Variants in RBMS3 observed in about 807,000 individuals in gnomAD.
RBMS3 encodes RNA-binding motif, single-stranded-interacting protein 3.
RBMS3 carries 27 observed loss-of-function variants against 66.8 expected under a neutral mutation model. The ratio of observed to expected loss-of-function variants is 0.40; its 90% CI spans 0.30 to 0.56. RBMS3 has a LOEUF of 0.56. RBMS3 is among the 20% of genes least tolerant of loss of function. RBMS3 has a pLI of 0.40. For missense variants in RBMS3, 513 were observed against 549.5 expected, an observed-to-expected ratio of 0.93 and a Z score of 0.66; for synonymous variants, 188 against 183.0, an observed-to-expected ratio of 1.03 and a Z score of -0.22.
chr3:29,554,564 A>G (rs2046282044), intron 3 of RBMS3, among the ~76,000 whole-genome samples: 1 of 152,220 alleles, frequency 6.6e-6, no homozygotes, highest in Non-Finnish European at 1.5e-5. Flanking sequence ...GATATGCTGG[A>G]CCAGAGATAG....
intron 10 of RBMS3, among the ~76,000 whole-genome samples, chr3:29,922,040 A>T (rs1017390768): frequency 1.3e-5 from 2 of 152,238 alleles, no homozygotes; most frequent in African/African-American, 4.8e-5. Context: ...AGACTAAAAA[A>T]AAGACAGAAA....
intron 2 of RBMS3, among the ~76,000 whole-genome samples, chr3:29,437,277 A>C (rs1277152890): frequency 6.6e-6 from 1 of 152,242 alleles, no homozygotes; most frequent in Non-Finnish European, 1.5e-5. Flanking sequence ...TGAACACACC[A>C]CTGATGTAGC....
intron 6 of RBMS3, among the ~76,000 whole-genome samples, chr3:29,837,245 T>C (rs9867468): frequency 2.5e-3 from 377 of 152,198 alleles, no homozygotes; most frequent in African/African-American, 8.7e-3. Flanking sequence ...ACCTATACTT[T>C]AGTGAGCATA....
chr3:29,958,796 G>A (rs1197550671), intron 12 of RBMS3, among the ~76,000 whole-genome samples: 2 of 152,182 alleles, frequency 1.3e-5, no homozygotes, highest in African/African-American at 4.8e-5. Flanking sequence ...AATGCTGTTA[G>A]TGGGCTAAAG....
At chr3:29,387,712 G>C (rs1451414454) in intron 1 of RBMS3, among the ~76,000 whole-genome samples, 1 of 151,838 alleles carries the variant, frequency 6.6e-6, no homozygotes, top group African/African-American at 2.4e-5. Flanking sequence ...ACCATCCTGG[G>C]TAACACGGTG....
At chr3:29,527,117 G>T (rs2045146688) in intron 3 of RBMS3, among the ~76,000 whole-genome samples, 1 of 143,824 alleles carries the variant, frequency 7.0e-6, no homozygotes, top group Non-Finnish European at 1.5e-5. Context: ...TGTCTACCAG[G>T]CCATGATATC....
intron 3 of RBMS3, among the ~76,000 whole-genome samples, chr3:29,574,232 G>A (rs1209584109): frequency 6.6e-6 from 1 of 152,068 alleles, no homozygotes; most frequent in Non-Finnish European, 1.5e-5. Flanking sequence ...TTATATATCA[G>A]GGTGCTCCAG....
intron 12 of RBMS3, among the ~76,000 whole-genome samples, chr3:29,968,388 A>G (rs901646913): frequency 1.3e-5 from 2 of 152,032 alleles, no homozygotes; most frequent in Admixed American, 1.3e-4. Flanking sequence ...AATTGTTACA[A>G]ATTTCAGATA....
At position 29,426,756 on chromosome 3, in the gene RBMS3, G is replaced by T. The variant is rs146607705; in HGVS notation, c.76-7987G>T. Among the ~76,000 whole-genome samples, 657 of 152,298 alleles carry T rather than the reference G, an allele frequency of 4.3e-3. 4 individuals are homozygous for T. Among genetic ancestry groups the T allele is most frequent in the Non-Finnish European group, 6.8e-3 (462 of 68,026 alleles). ...GGCTCTTTAGCACCCCCTTCAAGGT[G>T]AATTACTCCAACTAGAACTGAGAAG... is the stretch of plus-strand genomic sequence containing the variant. On this transcript the variant is annotated intron_variant, in intron 1 of 14. Transcript: ENST00000383767.
At chr3:29,871,985 G>A (rs1019105917) in intron 7 of RBMS3, among the ~76,000 whole-genome samples, 1 of 149,752 alleles carries the variant, frequency 6.7e-6, no homozygotes, top group Non-Finnish European at 1.5e-5. Context: ...ATAAATATAT[G>A]CTAGTGGCCA....
chr3:29,519,600 T>G (rs1000570178), intron 3 of RBMS3, among the ~76,000 whole-genome samples: 1 of 152,180 alleles, frequency 6.6e-6, no homozygotes, highest in African/African-American at 2.4e-5. Flanking sequence ...GTTAACTAAT[T>G]GACTGGCAGT....
At chr3:29,786,461 T>C (rs2056823003) in intron 6 of RBMS3, among the ~76,000 whole-genome samples, 1 of 152,170 alleles carries the variant, frequency 6.6e-6, no homozygotes, top group Admixed American at 6.5e-5. Context: ...AAGGCCATAG[T>C]CACAAAAACA....
chr3:29,417,233 T>C (rs1183281180), intron 1 of RBMS3, among the ~76,000 whole-genome samples: 1 of 152,056 alleles, frequency 6.6e-6, no homozygotes, highest in African/African-American at 2.4e-5. Context: ...TAAACAAATA[T>C]TCATTTTTTA....
chr3:29,662,459 G>T (rs1019845792), intron 4 of RBMS3, among the ~76,000 whole-genome samples: 5 of 152,164 alleles, frequency 3.3e-5, no homozygotes, highest in Admixed American at 6.5e-5. Flanking sequence ...AGTAGAAAAA[G>T]CTCATATTCT....
intron 4 of RBMS3, among the ~76,000 whole-genome samples, chr3:29,636,012 A>C (rs1383739843): frequency 6.6e-6 from 1 of 150,784 alleles, no homozygotes; most frequent in Non-Finnish European, 1.5e-5. Flanking sequence ...GCAAATATTT[A>C]GAAGGGTCTG....
At chr3:29,404,804 C>T (rs1051964536) in intron 1 of RBMS3, among the ~76,000 whole-genome samples, 66 of 152,236 alleles carry the variant, frequency 4.3e-4, no homozygotes, top group African/African-American at 1.5e-3. Context: ...AAACTGAATA[C>T]ATTGGTTTCC....
intron 10 of RBMS3, among the ~76,000 whole-genome samples, chr3:29,904,913 G>T (rs1471026918): frequency 4.0e-5 from 6 of 150,726 alleles, no homozygotes; most frequent in Non-Finnish European, 8.8e-5. Flanking sequence ...ATTTATAAAA[G>T]ATCTTATTAC....
intron 4 of RBMS3, among the ~76,000 whole-genome samples, chr3:29,625,113 G>A (rs756693495): frequency 3.9e-5 from 6 of 152,060 alleles, no homozygotes; most frequent in Non-Finnish European, 8.8e-5. Context: ...GACATGCCTT[G>A]CTTCCTTTTT....
chr3:29,354,132 AT>A (rs2037081600), intron 1 of RBMS3, among the ~76,000 whole-genome samples: 1 of 152,122 alleles, frequency 6.6e-6, no homozygotes, highest in African/African-American at 2.4e-5. Flanking sequence ...TACCCTTACT[AT>A]TTATTGATTA....
Sources: allele counts gnomAD v4.1 joint callset (sites outside exome capture counted in the v4.1 genomes callset), GRCh38; gene constraint gnomAD v4.1.1; transcripts MANE v1.5; gene names NCBI Gene and HGNC (gene_info 2026-07-23, HGNC 2026-07-21).